Variants in RALYL observed in about 807,000 individuals in gnomAD.
RALYL encodes the protein RNA-binding Raly-like protein.
RALYL carries 29 observed loss-of-function variants against 35.1 expected under a neutral mutation model. The ratio of observed to expected loss-of-function variants is 0.83; its 90% confidence interval spans 0.61 to 1.13. The LOEUF is 1.13. RALYL is among the 50% of genes most tolerant of loss of function. The pLI, the probability that RALYL is intolerant of heterozygous loss-of-function variation, is 0.00. For synonymous variants in RALYL, 120 were observed against 127.6 expected, an observed-to-expected ratio of 0.94 and a Z score of 0.40; for missense variants, 359 against 360.4, an observed-to-expected ratio of 1.00 and a Z score of 0.03.
chr8:84,597,374 C>T (rs979045987), intron 2 of RALYL, among the ~76,000 whole-genome samples: 1 of 152,256 alleles, frequency 6.6e-6, no homozygotes, highest in East Asian at 1.9e-4. Flanking sequence ...CCCTTGTGCT[C>T]ACCTCTTAAT....
intron 4 of RALYL, among the ~76,000 whole-genome samples, chr8:84,813,452 A>AAAT: frequency 1.3e-5 from 2 of 152,340 alleles, no homozygotes; most frequent in Middle Eastern, 6.8e-3. Context: ...TGTGATGATC[A>AAAT]AATTTATGAC....
intron 2 of RALYL, among the ~76,000 whole-genome samples, chr8:84,595,643 C>T (rs1396876863): frequency 1.3e-5 from 2 of 151,878 alleles, no homozygotes; most frequent in African/African-American, 2.4e-5. Flanking sequence ...AGGAGGCCCT[C>T]TACAAATAGG....
intron 3 of RALYL, among the ~76,000 whole-genome samples, chr8:84,785,802 G>GA (rs1819306019): frequency 6.6e-6 from 1 of 152,212 alleles, no homozygotes; most frequent in African/African-American, 2.4e-5. Context: ...ATAATGACAT[G>GA]AAAAAACTTA....
intron 1 of RALYL, among the ~76,000 whole-genome samples, chr8:84,434,028 C>T (rs2132755964): frequency 6.6e-6 from 1 of 152,118 alleles, no homozygotes; most frequent in Non-Finnish European, 1.5e-5. Context: ...CAAAGTACTA[C>T]AGACTGGGTA....
At chr8:84,632,658 C>T (rs745894732) in intron 2 of RALYL, among the ~76,000 whole-genome samples, 1 of 150,666 alleles carries the variant, frequency 6.6e-6, no homozygotes, top group Non-Finnish European at 1.5e-5. Flanking sequence ...TTAGTATATT[C>T]CAGTACAGTG....
chr8:84,606,730 C>A (rs1203443072), intron 2 of RALYL, among the ~76,000 whole-genome samples: 1 of 151,872 alleles, frequency 6.6e-6, no homozygotes, highest in Non-Finnish European at 1.5e-5. Flanking sequence ...TTGTTTTTTA[C>A]AATTAGTAGG....
At position 84,205,586 on chromosome 8, in the gene RALYL, T is replaced by C. The variant is rs561462976; in HGVS notation, c.-24+21162T>C. On this transcript the variant is annotated intron_variant, in intron 1 of 8. Transcript: ENST00000521268. ...TCTTTGACTTCTAATGCAAGTATGT[T>C]ACTTGAAGGAATAAATATAGTGTAT... Among the ~76,000 whole-genome samples, 3 of 152,330 alleles carry C rather than the reference T, an allele frequency of 2.0e-5. No individual in the cohort carries two copies. The South Asian group carries it at 6.2e-4, about 32-fold the overall frequency.
At chr8:84,503,556 A>G (rs367657853) in intron 1 of RALYL, among the ~76,000 whole-genome samples, 1 of 152,068 alleles carries the variant, frequency 6.6e-6, no homozygotes, top group African/African-American at 2.4e-5. Context: ...AAGCCTATAG[A>G]AAATGAAAGC....
At chr8:84,654,221 TAAAAC>T (rs1200535835) in intron 2 of RALYL, among the ~76,000 whole-genome samples, 4 of 122,602 alleles carry the variant, frequency 3.3e-5, no homozygotes, top group East Asian at 5.8e-4. Context: ...TGTATAAAAT[TAAAAC>T]AAAACAAACC....
rs1438625792 is a variant in RALYL, at chr8:84,723,809, A to AT, written c.257-50763dup. Among the ~76,000 whole-genome samples, 8 of 151,666 alleles carry AT rather than the reference A, an allele frequency of 5.3e-5. No individual in the cohort carries two copies. In the East Asian group the frequency reaches 7.7e-4, roughly 15 times the overall value. On this transcript the variant is annotated intron_variant, in intron 2 of 8. Transcript: ENST00000521268. The stretch of plus-strand genomic sequence containing the variant: ...CAATAGTCTCTCTTCCTAATAAGTC[A>AT]TTTTTTTCTATACTCACCATTCCCC...
chr8:84,805,252 A>C (rs894331934), intron 4 of RALYL, among the ~76,000 whole-genome samples: 2 of 151,984 alleles, frequency 1.3e-5, no homozygotes, highest in Non-Finnish European at 2.9e-5. Context: ...CTTATCTCTC[A>C]TTTCACTTTA....
intron 1 of RALYL, among the ~76,000 whole-genome samples, chr8:84,457,683 T>A (rs1381511580): frequency 1.3e-5 from 2 of 151,864 alleles, no homozygotes; most frequent in East Asian, 3.9e-4. Context: ...TCCTGTTGAT[T>A]ACATAATTTG....
chr8:84,638,091 T>C (rs1825451189), intron 2 of RALYL, among the ~76,000 whole-genome samples: 2 of 151,798 alleles, frequency 1.3e-5, no homozygotes, highest in South Asian at 4.1e-4. Context: ...TTTAGGAAAA[T>C]TGAAATCATA....
intron 2 of RALYL, among the ~76,000 whole-genome samples, chr8:84,587,961 T>C (rs1812363479): frequency 6.6e-6 from 1 of 151,994 alleles, no homozygotes; most frequent in South Asian, 2.1e-4. Flanking sequence ...GGAAGTAGAG[T>C]TGTCAGCCTC....
intron 1 of RALYL, among the ~76,000 whole-genome samples, chr8:84,464,149 T>G (rs2051206045): frequency 6.6e-6 from 1 of 151,626 alleles, no homozygotes; most frequent in Non-Finnish European, 1.5e-5. Flanking sequence ...TTTGTTTTTT[T>G]TTTTATTATA....
chr8:84,577,114 G>T (rs143274320), intron 2 of RALYL, among the ~76,000 whole-genome samples: 2 of 152,306 alleles, frequency 1.3e-5, no homozygotes, highest in East Asian at 3.9e-4. Context: ...TTTCTGAGGA[G>T]AATTTATGAC....
chr8:84,702,543 A>T lies in RALYL; in HGVS notation c.257-72036A>T, dbSNP rs1472460807. On this transcript the variant is annotated intron_variant, in intron 2 of 8. Transcript: ENST00000521268. ...TAGTCTCTCTCTCTCTCTCTCTCAC[A>T]CACACACACACACACACACACACTC... 6.7e-5 allele frequency among the ~76,000 whole-genome samples: 10 copies of T among 149,088 alleles called. No homozygotes were observed. The South Asian group carries it at 1.9e-3, about 28-fold the overall frequency.
intron 1 of RALYL, among the ~76,000 whole-genome samples, chr8:84,403,535 T>G (rs940018405): frequency 7.5e-6 from 1 of 132,744 alleles, no homozygotes; most frequent in East Asian, 2.0e-4. Context: ...TTTTTTTTTT[T>G]TTTTTTTTTT....
chr8:84,696,935 G>T (rs1223753588), intron 2 of RALYL, among the ~76,000 whole-genome samples: 1 of 151,968 alleles, frequency 6.6e-6, no homozygotes, highest in Non-Finnish European at 1.5e-5. Flanking sequence ...TTTCGAGATG[G>T]ATTTCTGAAA....
Sources: gnomAD v4.1 joint callset for allele counts (sites outside exome capture counted in the v4.1 genomes callset) on GRCh38, gnomAD v4.1.1 for gene constraint, MANE v1.5 for transcripts, NCBI Gene and HGNC (gene_info 2026-07-23, HGNC 2026-07-21) for gene names.